SDK1: variants seen among roughly 807,000 people sequenced by gnomAD.
The protein encoded by SDK1 is sidekick cell adhesion molecule 1, also known as protein sidekick-1.
Under a neutral mutation model 245.5 loss-of-function variants are expected in SDK1, and 157 were observed. The observed-to-expected ratio is 0.64, with a 90% CI of 0.56 to 0.73. SDK1 has a LOEUF of 0.73. SDK1 is among the 30% of genes least tolerant of loss of function. The pLI is 0.00. For synonymous variants in SDK1, 1,647 were observed against 1,278.5 expected, an observed-to-expected ratio of 1.29 and a Z score of -6.15; for missense variants, 3,583 against 3,002.3, an observed-to-expected ratio of 1.19 and a Z score of -4.52.
intron 5 of SDK1, among the ~76,000 whole-genome samples, chr7:3,857,013 C>T (rs1049418048): frequency 6.6e-6 from 1 of 152,044 alleles, no homozygotes; most frequent in East Asian, 1.9e-4. Context: ...TATACCATAA[C>T]CAAGTAGATT....
intron 32 of SDK1, among the ~76,000 whole-genome samples, chr7:4,166,360 T>C (rs1781499734): frequency 6.6e-6 from 1 of 152,258 alleles, no homozygotes; most frequent in Non-Finnish European, 1.5e-5. Flanking sequence ...AGAGCTTTCA[T>C]TAAGCGCAGT....
chr7:3,412,703 T>C (rs539456720), intron 1 of SDK1, among the ~76,000 whole-genome samples: 19 of 152,274 alleles, frequency 1.2e-4, no homozygotes, highest in African/African-American at 3.6e-4. Flanking sequence ...GCCTTCTCCA[T>C]AGGTTGCGAG....
At chr7:4,022,684 A>G (rs1786999505) in intron 17 of SDK1, among the ~76,000 whole-genome samples, 1 of 152,030 alleles carries the variant, frequency 6.6e-6, no homozygotes, top group Non-Finnish European at 1.5e-5. Context: ...GCAACTCCTT[A>G]AGGAAGATCA....
chr7:3,638,498 G>C (rs1156530301), intron 2 of SDK1, among the ~76,000 whole-genome samples: 1 of 151,656 alleles, frequency 6.6e-6, no homozygotes, highest in Non-Finnish European at 1.5e-5. Context: ...CATGGATGAA[G>C]CTGGAAACCA....
intron 4 of SDK1, among the ~76,000 whole-genome samples, chr7:3,752,926 C>G (rs1429503052): frequency 6.6e-6 from 1 of 152,152 alleles, no homozygotes; most frequent in African/African-American, 2.4e-5. Flanking sequence ...AATTTATTTT[C>G]TATCTAAATT....
intron 17 of SDK1, among the ~76,000 whole-genome samples, chr7:4,042,881 T>C (rs972614410): frequency 6.6e-6 from 1 of 152,252 alleles, no homozygotes; most frequent in Admixed American, 6.5e-5. Flanking sequence ...TTAATTCCAT[T>C]GTCCACAAAT....
chr7:3,806,566 T>A (rs982930204), intron 4 of SDK1, among the ~76,000 whole-genome samples: 1 of 152,264 alleles, frequency 6.6e-6, no homozygotes, highest in African/African-American at 2.4e-5. Flanking sequence ...TTTGGTCCTT[T>A]GCAGAACTTC....
At chr7:3,487,715 C>T (rs1180565623) in intron 1 of SDK1, among the ~76,000 whole-genome samples, 1 of 140,264 alleles carries the variant, frequency 7.1e-6, no homozygotes, top group Non-Finnish European at 1.5e-5. Context: ...TGATCATGCC[C>T]CTGCATTGCA....
chr7:3,892,901 G>A (rs1039638441), intron 5 of SDK1, among the ~76,000 whole-genome samples: 33 of 152,132 alleles, frequency 2.2e-4, no homozygotes, highest in African/African-American at 7.2e-4. Context: ...AAGCAGAATC[G>A]TGGGTTGCTT....
intron 1 of SDK1, among the ~76,000 whole-genome samples, chr7:3,506,461 A>G (rs1782395741): frequency 6.6e-6 from 1 of 152,118 alleles, no homozygotes. Flanking sequence ...CGTCTTTTAA[A>G]TATATGGTTT....
At chr7:3,455,243 T>C (rs1335231308) in intron 1 of SDK1, among the ~76,000 whole-genome samples, 1 of 151,776 alleles carries the variant, frequency 6.6e-6, no homozygotes, top group Non-Finnish European at 1.5e-5. Context: ...AGCTTGTCTC[T>C]TCATCATCTT....
chr7:3,631,045 A>G (rs1367110859), intron 2 of SDK1, among the ~76,000 whole-genome samples: 2 of 151,926 alleles, frequency 1.3e-5, no homozygotes, highest in African/African-American at 4.8e-5. Flanking sequence ...TGATCCCCCC[A>G]TCTCAGCCTC....
Position 4,026,951 on chromosome 7 carries a change from C to A in SDK1, c.2602+9599C>A, listed in dbSNP as rs1787400830. The stretch of plus-strand genomic sequence containing the variant: ...ATGTGGTAACCTGGAGAAATGGACA[C>A]CTGTGAATCCCTGCTGTGTTCTGGA... On this transcript the variant is annotated intron_variant, in intron 17 of 44. Coordinates refer to ENST00000404826, the MANE Select transcript of SDK1 (RefSeq NM_152744.4). This position sits in a 1 kb window ranked among gnomAD's most constrained non-coding sequence, Gnocchi z 4.1. Among the ~76,000 whole-genome samples the A allele has an allele frequency of 6.6e-6, 1 of 152,170 alleles. No homozygotes were observed. The highest frequency in any genetic ancestry group is 1.5e-5 in the Non-Finnish European group (1 of 68,034).
chr7:3,676,547 A>G (rs529436284), intron 4 of SDK1, among the ~76,000 whole-genome samples: 274 of 151,940 alleles, frequency 1.8e-3, no homozygotes, highest in Non-Finnish European at 3.1e-3. Context: ...GGATGGTCTC[A>G]ATCTCCTGAC....
At position 3,310,116 on chromosome 7, in the gene SDK1, G is replaced by C. The variant is rs138815895; in HGVS notation, c.298+8232G>C. 4.7e-3 allele frequency among the ~76,000 whole-genome samples: 715 copies of C among 152,274 alleles called. 7 individuals are homozygous for C. The highest frequency in any genetic ancestry group is 0.016 in the African/African-American group (684 of 41,548). On this transcript the variant is annotated intron_variant, in intron 1 of 44. Coordinates refer to ENST00000404826, the MANE Select transcript of SDK1 (RefSeq NM_152744.4). ...GGCCATCATCTCTCAGTTTGCTTCT[G>C]TGTCTGTGCTGGCATCATTCTGGAT...
At chr7:3,803,611 C>T (rs546436832) in intron 4 of SDK1, among the ~76,000 whole-genome samples, 19 of 152,110 alleles carry the variant, frequency 1.2e-4, no homozygotes, top group African/African-American at 4.6e-4. Flanking sequence ...GCGCCTGTTA[C>T]ACTTTCCCCA....
chr7:3,317,337 A>T (rs1273412224), intron 1 of SDK1, among the ~76,000 whole-genome samples: 4 of 152,106 alleles, frequency 2.6e-5, no homozygotes, highest in African/African-American at 9.7e-5. Flanking sequence ...TTCTGAGTAT[A>T]TTGCACATTT....
chr7:3,740,023 G>A (rs889771959), intron 4 of SDK1, among the ~76,000 whole-genome samples: 3 of 152,238 alleles, frequency 2.0e-5, no homozygotes, highest in Non-Finnish European at 1.5e-5. Context: ...TAGCTAAGTG[G>A]TCATCTAATA....
At chr7:3,798,040 T>C (rs1779007212) in intron 4 of SDK1, among the ~76,000 whole-genome samples, 1 of 152,054 alleles carries the variant, frequency 6.6e-6, no homozygotes, top group Non-Finnish European at 1.5e-5. Context: ...TCATCAAAAC[T>C]AAGAAATTTT....
Sources: gnomAD v4.1 joint callset for allele counts (sites outside exome capture counted in the v4.1 genomes callset) on GRCh38, gnomAD v4.1.1 for gene constraint, Gnocchi (gnomAD v3.1) non-coding constraint, MANE v1.5 for transcripts, NCBI Gene and HGNC (gene_info 2026-07-23, HGNC 2026-07-21) for gene names.